EPHX2: variants seen among roughly 807,000 people sequenced by gnomAD.
EPHX2 encodes bifunctional epoxide hydrolase 2.
EPHX2 carries 74 observed loss-of-function variants against 78.7 expected under a neutral mutation model. That is an observed-to-expected ratio of 0.94 (90% CI 0.78 to 1.14). The LOEUF (loss-of-function observed/expected upper bound fraction) is 1.14. EPHX2 is among the 50% of genes most tolerant of loss of function. The pLI, the probability that EPHX2 is intolerant of heterozygous loss-of-function variation, is 0.00. For synonymous variants in EPHX2, 251 were observed against 255.2 expected, an observed-to-expected ratio of 0.98 and a Z score of 0.16; for missense variants, 715 against 702.5, an observed-to-expected ratio of 1.02 and a Z score of -0.20.
chr8:27,513,046 A>T (rs1394885223), intron 6 of EPHX2, among the ~76,000 whole-genome samples: 3 of 152,122 alleles, frequency 2.0e-5, no homozygotes, highest in Non-Finnish European at 4.4e-5. Context: ...TCTGAGATGA[A>T]TGGAGGGTCT....
At chr8:27,527,967 G>T (rs1163723985) in intron 12 of EPHX2, among the ~76,000 whole-genome samples, 1 of 152,168 alleles carries the variant, frequency 6.6e-6, no homozygotes, top group East Asian at 1.9e-4. Flanking sequence ...TATCGACCTA[G>T]GCCTGTTTGA....
At chr8:27,540,518 G>T in intron 14 of EPHX2, 36 bp from the exon 15 acceptor site, 1 of 1,596,194 alleles carries the variant, frequency 6.3e-7, no homozygotes, top group Non-Finnish European at 8.6e-7. Flanking sequence ...CACCTGGCCC[G>T]GGGATGGGAA....
intron 8 of EPHX2, among the ~76,000 whole-genome samples, 179 bp from the exon 9 acceptor site, chr8:27,517,859 A>G (rs1292981497): frequency 6.6e-6 from 1 of 152,258 alleles, no homozygotes; most frequent in African/African-American, 2.4e-5. Flanking sequence ...TCAAAAGCAC[A>G]GGCAACAAAA....
intron 2 of EPHX2, among the ~76,000 whole-genome samples, chr8:27,502,808 T>G (rs972485640): frequency 6.6e-6 from 1 of 152,250 alleles, no homozygotes; most frequent in African/African-American, 2.4e-5. Flanking sequence ...CATTTTACCT[T>G]AAGTACCTCT....
chr8:27,522,337 T>C lies in EPHX2; in HGVS notation c.973-86T>C, dbSNP rs547198835. 6.8e-6 allele frequency: 9 copies of C among 1,322,806 alleles called. No homozygotes were observed. In the South Asian group the frequency reaches 1.1e-4, roughly 16 times the overall value. The allele number at this position is 1,322,806 out of a possible 1,614,324, so 81.9% of individuals were successfully genotyped here. On this transcript the variant is annotated intron_variant, in intron 10 of 18. Coordinates refer to ENST00000521400, the MANE Select transcript of EPHX2 (RefSeq NM_001979.6). ...TGGGTCGGGGGAGGAGACCCTGGTG[T>C]CGAGGGGCTGGCTGATGGCCGAACC...
rs112002295 is a variant in EPHX2, at chr8:27,500,845, A to G, written c.102-81A>G. ...ATCCCTTTCTAGTGGCTGCTTCTCAATGAATATGAACAGTGTCTGTTTCCA... is the reference window on the plus strand; with the variant it reads ...ATCCCTTTCTAGTGGCTGCTTCTCAGTGAATATGAACAGTGTCTGTTTCCA... On this transcript the variant is annotated intron_variant, in intron 1 of 18. Transcript: ENST00000521400. 4.2e-5 allele frequency: 54 copies of G among 1,274,792 alleles called. 1 individual carries two copies. In the African/African-American group the frequency reaches 6.0e-4, roughly 14 times the overall value. The allele number at this position is 1,274,792 out of a possible 1,614,324, so 79.0% of individuals were successfully genotyped here. A position where few individuals can be genotyped will look rare whatever the true frequency, so the allele number is the denominator to read the frequency against.
chr8:27,530,206 A>G (rs549666766), intron 12 of EPHX2, among the ~76,000 whole-genome samples: 1 of 152,202 alleles, frequency 6.6e-6, no homozygotes, highest in African/African-American at 2.4e-5. Flanking sequence ...AATCTTTCTT[A>G]ATCTCTAGAA....
At chr8:27,511,453 AG>A (rs1371732197) in intron 5 of EPHX2, among the ~76,000 whole-genome samples, 4 of 152,272 alleles carry the variant, frequency 2.6e-5, no homozygotes, top group Non-Finnish European at 4.4e-5. Context: ...GCAGTCATTC[AG>A]GGACTCAGGA....
intron 13 of EPHX2, 117 bp from the exon 14 acceptor site, chr8:27,538,540 CAG>C (rs1244923933): frequency 9.9e-6 from 9 of 908,298 alleles, no homozygotes; most frequent in Non-Finnish European, 1.5e-5. Flanking sequence ...TTTGTCATAA[CAG>C]GGTTTTCAGA....
chr8:27,501,331 T>TTCTTCTTCTTCC (rs1813767102), intron 2 of EPHX2, among the ~76,000 whole-genome samples: 3 of 56,158 alleles, frequency 5.3e-5, no homozygotes, highest in Non-Finnish European at 1.0e-4. Flanking sequence ...TATTTTCTTC[T>TTCTTCTTCTTCC]TCTTCTTCTT....
chr8:27,514,903 C>T (rs1046491340), intron 6 of EPHX2, among the ~76,000 whole-genome samples: 7 of 152,164 alleles, frequency 4.6e-5, no homozygotes, highest in Admixed American at 1.3e-4. Flanking sequence ...CTGCCACACC[C>T]GTAGCCCCCA....
intron 4 of EPHX2, among the ~76,000 whole-genome samples, chr8:27,506,013 G>A (rs1375622369): frequency 1.3e-5 from 2 of 152,088 alleles, no homozygotes; most frequent in East Asian, 3.9e-4. Flanking sequence ...CTTAGAGACA[G>A]AGCCTCACTC....
At chr8:27,509,379 C>G (rs544076497) in intron 5 of EPHX2, among the ~76,000 whole-genome samples, 120 of 152,238 alleles carry the variant, frequency 7.9e-4, no homozygotes, top group Non-Finnish European at 1.5e-3. Flanking sequence ...TTCAATGCTT[C>G]TGTGTGTATA....
Position 27,518,046 on chromosome 8 carries a change from G to GA in EPHX2, c.921dup (p.Tyr308IlefsTer8), listed in dbSNP as rs749860220. 4 of 1,596,494 alleles carry GA rather than the reference G, an allele frequency of 2.5e-6. No individual in the cohort carries two copies. In the East Asian group the frequency reaches 9.0e-5, roughly 36 times the overall value. On this transcript the variant is annotated frameshift_variant, in exon 9 of 19. Transcript: ENST00000521400. LOFTEE classifies it high-confidence loss of function. ...TTTATTTTTAATTGCAGAAATAGAA[G>GA]AATATTGCATGGAAGTGTTATGTAA... is the stretch of plus-strand genomic sequence containing the variant.
At chr8:27,543,717 C>A in intron 16 of EPHX2, 32 bp from the exon 17 acceptor site, 1 of 1,611,130 alleles carries the variant, frequency 6.2e-7, no homozygotes. Context: ...TTGTGGAGTG[C>A]TGGCCACTTC....
intron 1 of EPHX2, among the ~76,000 whole-genome samples, chr8:27,500,052 A>G (rs1191943163): frequency 6.6e-6 from 1 of 152,192 alleles, no homozygotes; most frequent in African/African-American, 2.4e-5. Context: ...GGGGTATACA[A>G]CCCAGCCTTA....
At chr8:27,511,542 G>A (rs1035366394) in intron 5 of EPHX2, among the ~76,000 whole-genome samples, 2 of 152,220 alleles carry the variant, frequency 1.3e-5, no homozygotes, top group Non-Finnish European at 2.9e-5. Context: ...GGGAGTTGAG[G>A]AATGTAGAGA....
At chr8:27,536,160 A>C (rs1815203845) in intron 12 of EPHX2, among the ~76,000 whole-genome samples, 1 of 152,160 alleles carries the variant, frequency 6.6e-6, no homozygotes, top group Non-Finnish European at 1.5e-5. Flanking sequence ...AACAGTGGAA[A>C]CCTTGCTGCC....
intron 2 of EPHX2, among the ~76,000 whole-genome samples, chr8:27,502,834 C>A (rs952438959): frequency 2.0e-5 from 3 of 152,162 alleles, no homozygotes; most frequent in African/African-American, 7.2e-5. Flanking sequence ...GGCCTGATTT[C>A]CAAATATAGT....
Sources: gnomAD v4.1 joint callset for allele counts (sites outside exome capture counted in the v4.1 genomes callset) on GRCh38, gnomAD v4.1.1 for gene constraint, MANE v1.5 for transcripts, NCBI Gene and HGNC (gene_info 2026-07-23, HGNC 2026-07-21) for gene names.